The following PTPRH variants were observed in gnomAD, a reference collection of about 807,000 sequenced individuals.
PTPRH encodes receptor-type tyrosine-protein phosphatase H.
Under a neutral mutation model 130.2 loss-of-function variants are expected in PTPRH, and 113 were observed. The ratio of observed to expected loss-of-function variants is 0.87; its 90% CI spans 0.75 to 1.01. PTPRH has a LOEUF of 1.01. PTPRH is among the 50% of genes least tolerant of loss of function. The pLI is 0.00. For synonymous variants in PTPRH, 556 were observed against 577.9 expected, an observed-to-expected ratio of 0.96 and a Z score of 0.54; for missense variants, 1,430 against 1,425.0, an observed-to-expected ratio of 1.00 and a Z score of -0.06.
chr19:55,191,342 C>T (rs555385222), intron 12 of PTPRH, among the ~76,000 whole-genome samples, 159 bp downstream of exon 12: 2 of 152,254 alleles, frequency 1.3e-5, no homozygotes, highest in African/African-American at 2.4e-5. Context: ...GAGTGAGTCA[C>T]GATGGAAGGG....
Position 55,198,737 on chromosome 19 carries a change from T to A in PTPRH, c.1596A>T (p.Leu532=). 1 of 1,614,112 alleles carries A rather than the reference T, an allele frequency of 6.2e-7. No homozygotes were observed. Among genetic ancestry groups the A allele is most frequent in the Non-Finnish European group, 8.5e-7 (1 of 1,180,006 alleles). Residue 532 remains leucine, a synonymous_variant, in exon 8 of 20, where the codon CTA becomes CTT. Transcript: ENST00000376350. ...ACAGGCTGCCAGCTTCCAGTTCCTTTAGGGTGATGTCAGTACCTGAGGTGC... is the reference window on the plus strand; with the variant it reads ...ACAGGCTGCCAGCTTCCAGTTCCTTAAGGGTGATGTCAGTACCTGAGGTGC... The part of the protein sequence containing the change: ...TQSTSGTDIT[L]KELEAGSLYH...
intron 12 of PTPRH, chr19:55,189,838 T>TA: frequency 2.3e-6 from 1 of 427,292 alleles, no homozygotes; most frequent in South Asian, 1.6e-5. Context: ...TACAAAAAAT[T>TA]AAAAAATTAG....
chr19:55,209,413 G>C lies in PTPRH; in HGVS notation c.21C>G (p.Gly7=). The change falls in exon 1 of 20, where the codon GGC becomes GGG. Residue 7 remains glycine (G), a synonymous_variant. Coordinates refer to ENST00000376350, the MANE Select transcript of PTPRH (RefSeq NM_002842.5). This position sits in a 1 kb window ranked among gnomAD's most constrained non-coding sequence, Gnocchi z 4.1. ...GCACCAGGTTCCCCCAGACCCCGAG[G>C]CCCCCGCCAGCCCCAGCCATGCCTC... The part of the protein sequence containing the change: MAGAGG[G]LGVWGNLVLL... 1.3e-6 allele frequency: 2 copies of C among 1,557,088 alleles called. No individual in the cohort carries two copies. Among genetic ancestry groups the C allele is most frequent in the East Asian group, 2.4e-5 (1 of 41,780 alleles).
Position 55,185,618 on chromosome 19 carries a change from C to T in PTPRH, c.2946G>A (p.Gln982=). The T allele has an allele frequency of 5.0e-6, 8 of 1,614,200 alleles. No homozygotes were observed. The highest frequency in any genetic ancestry group is 6.8e-6 in the Non-Finnish European group (8 of 1,180,044). Residue 982 remains glutamine, a synonymous_variant, in exon 18 of 20, where the codon CAG becomes CAA. Coordinates refer to ENST00000376350, the MANE Select transcript of PTPRH (RefSeq NM_002842.5). ...KTLSVRQFHY[Q]AWPDHGVPSS... The stretch of plus-strand genomic sequence containing the variant: ...AGGGAACGCCGTGATCCGGCCAGGC[C>T]TGGTAGTGGAATTGGCGCACAGACA...
At chr19:55,193,194 C>A (rs1725003830) in intron 10 of PTPRH, among the ~76,000 whole-genome samples, 1 of 150,228 alleles carries the variant, frequency 6.7e-6, no homozygotes, top group Non-Finnish European at 1.5e-5. Context: ...CACGACTGCA[C>A]TCCAGACTGG....
At position 55,205,453 on chromosome 19, in the gene PTPRH, C is replaced by G; in HGVS notation, c.492G>C (p.Gly164=). ...TGTTAGTGTGTGCTGTGCTTCGAGT[C>G]CCTGCTCTGCCACCATCTCCAGTGT... The part of the protein sequence containing the change: ...VEYTGDGGRA[G]TRSTAHTNIT... The change falls in exon 4 of 20, where the codon GGG becomes GGC. Residue 164 remains glycine (G), a synonymous_variant. Transcript: ENST00000376350. 6.2e-7 allele frequency: 1 copy of G among 1,614,196 alleles called. No homozygotes were observed. The highest frequency in any genetic ancestry group is 8.5e-7 in the Non-Finnish European group (1 of 1,180,044).
In PTPRH at chr19:55,209,498, A is replaced by G; in HGVS notation, c.-65T>C. 2.6e-6 allele frequency: 3 copies of G among 1,158,342 alleles called. No homozygotes were observed. Among genetic ancestry groups the G allele is most frequent in the Non-Finnish European group, 3.7e-6 (3 of 800,676 alleles). The allele number at this position is 1,158,342 out of a possible 1,614,324, so 71.8% of individuals were successfully genotyped here. A position where few individuals can be genotyped will look rare whatever the true frequency, so the allele number is the denominator to read the frequency against. Reference sequence around the variant, plus strand: ...AGTCCTTCCACCTGCTGGACTTTACACTCAAGAATTTCCCCTTTACCAGAT... The same window carrying G: ...AGTCCTTCCACCTGCTGGACTTTACGCTCAAGAATTTCCCCTTTACCAGAT... On this transcript the variant is annotated 5_prime_UTR_variant, in exon 1 of 20. Transcript: ENST00000376350. This position sits in a 1 kb window ranked among gnomAD's most constrained non-coding sequence, Gnocchi z 4.1.
rs140867659 is a variant in PTPRH at position 55,202,146 on chromosome 19, T to C, written c.1063A>G (p.Arg355Gly). The C allele has an allele frequency of 4.6e-4, 737 of 1,613,438 alleles. 1 individual carries two copies. Among genetic ancestry groups the C allele is most frequent in the South Asian group, 1.6e-3 (142 of 91,052 alleles). ...STAHTNITVDRLEPGCLYVFS... is the reference protein window; with the variant it reads ...STAHTNITVDGLEPGCLYVFS... ...ACATACAAACACCCGGGTTCAAGTCTATCCACGGTGATGTTGGTGTGTGCT... is the reference window on the plus strand; with the variant it reads ...ACATACAAACACCCGGGTTCAAGTCCATCCACGGTGATGTTGGTGTGTGCT... The change falls in exon 6 of 20, where the codon AGA (arginine) becomes GGA (glycine). Residue 355 changes from arginine to glycine, a missense_variant. Coordinates refer to ENST00000376350, the MANE Select transcript of PTPRH (RefSeq NM_002842.5).
intron 8 of PTPRH, among the ~76,000 whole-genome samples, chr19:55,198,401 C>T (rs1812422128): frequency 6.6e-6 from 1 of 152,114 alleles, no homozygotes; most frequent in South Asian, 2.1e-4. Flanking sequence ...CAATTGAGGG[C>T]TCCCCCTGAC....
In PTPRH at chr19:55,209,426, C is replaced by T; in HGVS notation, c.8G>A (p.Gly3Glu). The T allele has an allele frequency of 1.9e-6, 3 of 1,557,214 alleles. No individual in the cohort carries two copies. Among genetic ancestry groups the T allele is most frequent in the African/African-American group, 1.4e-5 (1 of 73,764 alleles). The part of the protein sequence containing the change: MA[G>E]AGGGLGVWGN... ...CCAGACCCCGAGGCCCCCGCCAGCC[C>T]CAGCCATGCCTCCAGACACTGCCGG... The change falls in exon 1 of 20, where the codon GGG becomes GAG. Residue 3 changes from glycine (G) to glutamate (E), a missense_variant. Coordinates refer to ENST00000376350, the MANE Select transcript of PTPRH (RefSeq NM_002842.5). This position sits in a 1 kb window ranked among gnomAD's most constrained non-coding sequence, Gnocchi z 4.1.
Position 55,197,332 on chromosome 19 carries a change from TG to T in PTPRH, c.1774del (p.His592ThrfsTer61). On this transcript the variant is annotated frameshift_variant, in exon 9 of 20. Transcript: ENST00000376350. LOFTEE classifies it high-confidence loss of function. ...MLWWKAPGDPHSQLYVYWVQW... is the reference protein window; with the variant it reads ...MLWWKAPGDPXSQLYVYWVQW... The stretch of plus-strand genomic sequence containing the variant: ...GACCCAGTATACGTACAACTGAGAG[TG>T]GGGGTCTCCAGGGGCCTTCCACCAC... The T allele has an allele frequency of 1.2e-6, 2 of 1,614,128 alleles. No homozygotes were observed. The highest frequency in any genetic ancestry group is 1.3e-5 in the African/African-American group (1 of 75,024).
chr19:55,197,604 C>T lies in PTPRH; in HGVS notation c.1691-188G>A, dbSNP rs538178932. The stretch of plus-strand genomic sequence containing the variant: ...GGGACCAGAATCTCCTAGCCCTCTC[C>T]GTCCCCTGGCTACAGCCCTGGGTCC... On this transcript the variant is annotated intron_variant, in intron 8 of 19. Transcript: ENST00000376350. 5.3e-5 allele frequency among the ~76,000 whole-genome samples: 8 copies of T among 152,264 alleles called. No homozygotes were observed. In the East Asian group the frequency reaches 9.6e-4, roughly 18 times the overall value.
chr19:55,193,698 G>T (rs1641650466), intron 10 of PTPRH, among the ~76,000 whole-genome samples: 1 of 152,124 alleles, frequency 6.6e-6, no homozygotes, highest in South Asian at 2.1e-4. Context: ...CCGAGGCGGG[G>T]GAAACACTTT....
intron 13 of PTPRH, 75 bp downstream of exon 13, chr19:55,188,003 C>G: frequency 9.0e-7 from 1 of 1,112,726 alleles, no homozygotes; most frequent in Non-Finnish European, 1.4e-6. Context: ...GCCGTGAGGT[C>G]TGGCCAGGGG....
rs1280341557 is a variant in PTPRH at position 55,185,988 on chromosome 19, G to T, written c.2779-4C>A. The T allele has an allele frequency of 6.2e-7, 1 of 1,613,876 alleles. No homozygotes were observed. The highest frequency in any genetic ancestry group is 8.5e-7 in the Non-Finnish European group (1 of 1,179,874). On this transcript the variant is annotated splice_region_variant and splice_polypyrimidine_tract_variant and intron_variant, in intron 16 of 19. Transcript: ENST00000376350. The stretch of plus-strand genomic sequence containing the variant: ...GCCAGTAATGCTCACACTTCACCTG[G>T]GGGAGGAGGAGGGGTCAGAGAACAC...
intron 10 of PTPRH, among the ~76,000 whole-genome samples, chr19:55,194,824 G>A (rs547862356): frequency 4.3e-4 from 65 of 152,184 alleles, no homozygotes; most frequent in African/African-American, 1.4e-3. Flanking sequence ...CGTTCCTAGC[G>A]GCATTACCCA....
intron 10 of PTPRH, among the ~76,000 whole-genome samples, chr19:55,192,403 A>G (rs2086570247): frequency 6.6e-6 from 1 of 151,974 alleles, no homozygotes; most frequent in South Asian, 2.1e-4. Context: ...CTCTGTCTCA[A>G]AAACAAACAA....
At position 55,204,064 on chromosome 19, in the gene PTPRH, G is replaced by A. The variant is rs2086964392; in HGVS notation, c.620-16C>T. The A allele has an allele frequency of 1.2e-6, 2 of 1,603,934 alleles. No individual in the cohort carries two copies. The highest frequency in any genetic ancestry group is 1.7e-6 in the Non-Finnish European group (2 of 1,173,966). On this transcript the variant is annotated splice_polypyrimidine_tract_variant and intron_variant, in intron 4 of 19. Transcript: ENST00000376350. The stretch of plus-strand genomic sequence containing the variant: ...GGGTTGTGAGCTGAGAAATTAGGAA[G>A]AAAGATCTAATATGAGCAGGACTAC...
At position 55,205,273 on chromosome 19, in the gene PTPRH, G is replaced by A. The variant is rs1395702019; in HGVS notation, c.619+53C>T. The A allele has an allele frequency of 8.8e-5, 142 of 1,605,804 alleles. 2 individuals are homozygous for A. The highest frequency in any genetic ancestry group is 1.1e-5 in the Non-Finnish European group (13 of 1,174,756). On this transcript the variant is annotated intron_variant, in intron 4 of 19. Transcript: ENST00000376350. ...GAATAGAAATCCGCTACGTTCTCCT[G>A]CCTACTGCCCCTTAAACAAGTAAGA... is the stretch of plus-strand genomic sequence containing the variant.
Sources: allele counts gnomAD v4.1 joint callset (sites outside exome capture counted in the v4.1 genomes callset), GRCh38; gene constraint gnomAD v4.1.1; non-coding constraint Gnocchi (gnomAD v3.1); transcripts MANE v1.5; gene names NCBI Gene and HGNC (gene_info 2026-07-23, HGNC 2026-07-21).